ANKS6: variants seen among roughly 807,000 people sequenced by gnomAD.
ANKS6 encodes ankyrin repeat and SAM domain-containing protein 6.
Under a neutral mutation model 77.9 loss-of-function variants are expected in ANKS6, and 47 were observed. That is an observed-to-expected ratio of 0.60 (90% CI 0.48 to 0.77). The LOEUF (loss-of-function observed/expected upper bound fraction) is 0.77, where lower values mean the gene tolerates loss of function less well. ANKS6 is among the 30% of genes least tolerant of loss of function. The pLI, the probability that ANKS6 is intolerant of heterozygous loss-of-function variation, is 0.00. For missense variants in ANKS6, 1,150 were observed against 1,159.1 expected (o/e 0.99, Z 0.11); for synonymous variants, 488 against 501.7 (o/e 0.97, Z 0.37).
chr9:98,734,850 C>G lies in ANKS6; in HGVS notation c.*1669G>C, dbSNP rs896967743. ...CCTTTGTAAAGGTGTCTATCAGTAA[C>G]AGCTAAATGAAACACTTTGTCTTCA... On this transcript the variant is annotated 3_prime_UTR_variant, in exon 15 of 15. Coordinates refer to ENST00000353234, the MANE Select transcript of ANKS6 (RefSeq NM_173551.5). The G allele has an allele frequency of 2.2e-5, 22 of 985,434 alleles. No homozygotes were observed. The African/African-American group carries it at 3.5e-4, about 16-fold the overall frequency. 61.0% of individuals were successfully genotyped at this position (985,434 alleles called of 1,614,324 possible).
intron 13 of ANKS6, chr9:98,746,042 A>C: frequency 4.3e-6 from 1 of 233,106 alleles, no homozygotes; most frequent in Non-Finnish European, 8.5e-6. Context: ...TACTGTACAA[A>C]CGTATGGCAG....
At chr9:98,784,272 G>T (rs1834441293) in intron 3 of ANKS6, 115 bp from the exon 4 acceptor site, 1 of 973,878 alleles carries the variant, frequency 1.0e-6, no homozygotes, top group African/African-American at 1.7e-5. Context: ...GCAGTGGGCT[G>T]CTGGGCATCA....
Position 98,791,313 on chromosome 9 carries a change from G to A in ANKS6, c.360-707C>T, listed in dbSNP as rs562471318. On this transcript the variant is annotated intron_variant, in intron 1 of 14. Coordinates refer to ENST00000353234, the MANE Select transcript of ANKS6 (RefSeq NM_173551.5). This position sits in a 1 kb window ranked among gnomAD's most constrained non-coding sequence, Gnocchi z 4.3. ...CAAGGTTGTGGTCAGCAGATAGGCT[G>A]GGCATTGCGGCCTGGAGGCCTGCTG... Among the ~76,000 whole-genome samples, 1 of 152,326 alleles carries A rather than the reference G, an allele frequency of 6.6e-6. No homozygotes were observed. Among genetic ancestry groups the A allele is most frequent in the South Asian group, 2.1e-4 (1 of 4,830 alleles).
In ANKS6 at chr9:98,759,564, A is replaced by G. The variant is rs529969004; in HGVS notation, c.2143-2961T>C. On this transcript the variant is annotated intron_variant, in intron 11 of 14. Coordinates refer to ENST00000353234, the MANE Select transcript of ANKS6 (RefSeq NM_173551.5). ...ACTGGCTATAAATCAGAGTTCCCAC[A>G]ACTCCCTCCTTGGGTTTGATTAATT... Among the ~76,000 whole-genome samples the G allele has an allele frequency of 2.0e-5, 3 of 152,326 alleles. No individual in the cohort carries two copies. The South Asian group carries it at 6.2e-4, about 32-fold the overall frequency.
Position 98,784,010 on chromosome 9 carries a change from A to G in ANKS6, c.1055T>C (p.Val352Ala), listed in dbSNP as rs1834421161. The G allele has an allele frequency of 6.2e-7, 1 of 1,610,688 alleles. No individual in the cohort carries two copies. Among genetic ancestry groups the G allele is most frequent in the Non-Finnish European group, 8.5e-7 (1 of 1,179,310 alleles). The change falls in exon 4 of 15, where the codon GTT (valine) becomes GCT (alanine). Residue 352 changes from valine to alanine, a missense_variant. By Grantham distance (64) the Val-to-Ala change is moderately conservative (BLOSUM62 0). Transcript: ENST00000353234. ...VQLLVERHAD[V>A]DKQDSVHGWT... is the part of the protein sequence containing the mutation. Reference sequence around the variant, plus strand: ...GCCATGCACGCTGTCCTGCTTGTCAACATCCGCGTGCCTCTCCACCAGCAG... The same window carrying G: ...GCCATGCACGCTGTCCTGCTTGTCAGCATCCGCGTGCCTCTCCACCAGCAG...
intron 3 of ANKS6, 131 bp from the exon 4 acceptor site, chr9:98,784,288 G>A (rs1340128701): frequency 1.0e-5 from 8 of 801,146 alleles, no homozygotes; most frequent in African/African-American, 3.6e-5. Context: ...CATCATAGGG[G>A]ATACTAAGAG....
chr9:98,732,792 T>C lies in ANKS6; in HGVS notation c.*3727A>G. On this transcript the variant is annotated 3_prime_UTR_variant, in exon 15 of 15. Transcript: ENST00000353234. ...GCACTAGGTCTATGTCCAGTGCTCT[T>C]TCCAGGGTAACAGGTTGCTTCTACT... 1 of 1,357,712 alleles carries C rather than the reference T, an allele frequency of 7.4e-7. No individual in the cohort carries two copies. The highest frequency in any genetic ancestry group is 9.5e-7 in the Non-Finnish European group (1 of 1,056,734). 84.1% of individuals were successfully genotyped at this position (1,357,712 alleles called of 1,614,324 possible). A position where few individuals can be genotyped will look rare whatever the true frequency, so the allele number is the denominator to read the frequency against.
chr9:98,789,921 C>T (rs1174680738), intron 2 of ANKS6, 183 bp downstream of exon 2: 2 of 891,880 alleles, frequency 2.2e-6, no homozygotes, highest in Middle Eastern at 3.6e-4. Context: ...AGAGAGTGGG[C>T]CCAGAACCTG....
Position 98,736,217 on chromosome 9 carries a change from G to T in ANKS6, c.*302C>A, listed in dbSNP as rs1724533882. ...CCGCCAGCCAGAAGCAAACTCTGAG[G>T]CTCCCGGGGAGGGCAGAGCACAGGA... On this transcript the variant is annotated 3_prime_UTR_variant, in exon 15 of 15. Transcript: ENST00000353234. The T allele has an allele frequency of 8.4e-7, 1 of 1,197,352 alleles. No homozygotes were observed. Among genetic ancestry groups the T allele is most frequent in the Non-Finnish European group, 1.0e-6 (1 of 964,180 alleles). 74.2% of individuals were successfully genotyped at this position (1,197,352 alleles called of 1,614,324 possible).
At chr9:98,793,035 T>C (rs554818901) in intron 1 of ANKS6, among the ~76,000 whole-genome samples, 17 of 152,216 alleles carry the variant, frequency 1.1e-4, no homozygotes, top group Non-Finnish European at 2.2e-4. Flanking sequence ...TCTGAACAGG[T>C]GCTGTGATTA....
chr9:98,753,342 A>G (rs1010057809), intron 12 of ANKS6, among the ~76,000 whole-genome samples: 2 of 152,182 alleles, frequency 1.3e-5, no homozygotes, highest in Non-Finnish European at 2.9e-5. Flanking sequence ...ACTTCAGGTG[A>G]GCAACTTGGC....
chr9:98,749,355 T>C (rs1832307948), intron 13 of ANKS6, among the ~76,000 whole-genome samples: 1 of 152,076 alleles, frequency 6.6e-6, no homozygotes, highest in African/African-American at 2.4e-5. Context: ...TGCAGAAACT[T>C]CTAGGTGGGT....
At chr9:98,749,602 C>T (rs1340710147) in intron 13 of ANKS6, among the ~76,000 whole-genome samples, 2 of 152,192 alleles carry the variant, frequency 1.3e-5, no homozygotes, top group African/African-American at 4.8e-5. Flanking sequence ...CTTCAAGAAG[C>T]AGAAGTGTAC....
chr9:98,756,656 G>T (rs371305410), intron 11 of ANKS6, 53 bp from the exon 12 acceptor site: 27 of 1,396,864 alleles, frequency 1.9e-5, no homozygotes, highest in Non-Finnish European at 2.4e-5. Flanking sequence ...GGGTAGAAAT[G>T]AGGAAAACAA....
intron 1 of ANKS6, 126 bp from the exon 2 acceptor site, chr9:98,790,732 G>A (rs7038640): frequency 1.1e-5 from 14 of 1,305,748 alleles, no homozygotes; most frequent in Middle Eastern, 4.1e-4. Flanking sequence ...TTATTCTGGC[G>A]CCAGGCACTG....
chr9:98,783,970 C>T lies in ANKS6; in HGVS notation c.1095G>A (p.Met365Ile). 6.3e-7 allele frequency: 1 copy of T among 1,598,622 alleles called. No homozygotes were observed. The highest frequency in any genetic ancestry group is 8.5e-7 in the Non-Finnish European group (1 of 1,173,668). ...GCACTGACCCATGGTAGGTTGCCTG[C>T]ATGAGGGCCGTCCAGCCATGCACGC... ...QDSVHGWTAL[M>I]QATYHGNKEI... The change falls in exon 4 of 15, where the codon ATG becomes ATA. Residue 365 changes from methionine (M) to isoleucine (I), a missense_variant. Transcript: ENST00000353234.
chr9:98,760,512 A>G (rs1832950915), intron 11 of ANKS6, among the ~76,000 whole-genome samples: 1 of 152,220 alleles, frequency 6.6e-6, no homozygotes, highest in South Asian at 2.1e-4. Context: ...ACAAAATGAC[A>G]TCACTTTGGA....
intron 5 of ANKS6, among the ~76,000 whole-genome samples, chr9:98,782,165 C>G (rs1424151523): frequency 6.6e-6 from 1 of 152,198 alleles, no homozygotes; most frequent in Non-Finnish European, 1.5e-5. Flanking sequence ...AGCACAGATG[C>G]CATTCTAGGG....
chr9:98,783,977 G>A lies in ANKS6; in HGVS notation c.1088C>T (p.Ala363Val), dbSNP rs751783715. The A allele has an allele frequency of 6.2e-6, 10 of 1,600,848 alleles. No individual in the cohort carries two copies. The Middle Eastern group carries it at 1.3e-3, about 206-fold the overall frequency. ...DKQDSVHGWT[A>V]LMQATYHGNK... Reference sequence around the variant, plus strand: ...CCCATGGTAGGTTGCCTGCATGAGGGCCGTCCAGCCATGCACGCTGTCCTG... The same window carrying A: ...CCCATGGTAGGTTGCCTGCATGAGGACCGTCCAGCCATGCACGCTGTCCTG... Residue 363 changes from alanine to valine, a missense_variant, in exon 4 of 15, where the codon GCC becomes GTC. Physicochemically the swap from Ala to Val is moderately conservative, Grantham distance 64. Coordinates refer to ENST00000353234, the MANE Select transcript of ANKS6 (RefSeq NM_173551.5).
Sources: allele counts gnomAD v4.1 joint callset (sites outside exome capture counted in the v4.1 genomes callset), GRCh38; gene constraint gnomAD v4.1.1; non-coding constraint Gnocchi (gnomAD v3.1); transcripts MANE v1.5; gene names NCBI Gene and HGNC (gene_info 2026-07-23, HGNC 2026-07-21).